The following AGBL4 variants were observed in gnomAD, a reference collection of about 807,000 sequenced individuals.
The protein encoded by AGBL4 is AGBL carboxypeptidase 4.
Under a neutral mutation model 66.4 loss-of-function variants are expected in AGBL4, and 58 were observed. The observed-to-expected ratio is 0.87, with a 90% CI of 0.71 to 1.09. The LOEUF is 1.09. Among genes scored for constraint, AGBL4 ranks in the 50% least tolerant of loss-of-function variants. The probability of loss-of-function intolerance (pLI) is 0.00; values close to 1 mark genes in which losing one functional copy is unlikely to be tolerated. For missense variants in AGBL4, 579 were observed against 631.0 expected (o/e 0.92, Z 0.88); for synonymous variants, 234 against 222.9 (o/e 1.05, Z -0.44).
At chr1:49,324,140 T>C (rs1645181624) in intron 3 of AGBL4, among the ~76,000 whole-genome samples, 1 of 152,228 alleles carries the variant, frequency 6.6e-6, no homozygotes, top group Non-Finnish European at 1.5e-5. Context: ...CAACCTATTG[T>C]CAATTTAAGA....
chr1:49,540,142 C>T (rs953433319), intron 3 of AGBL4, among the ~76,000 whole-genome samples: 9 of 152,194 alleles, frequency 5.9e-5, no homozygotes, highest in African/African-American at 2.2e-4. Flanking sequence ...AATGCCTAAG[C>T]AACTTGTATT....
At chr1:49,395,794 T>TATATACATATATATATGTATAC (rs1557900337) in intron 3 of AGBL4, among the ~76,000 whole-genome samples, 5 of 135,190 alleles carry the variant, frequency 3.7e-5, no homozygotes, top group East Asian at 4.0e-4. Context: ...TATATGTATA[T>TATATACATATATATATGTATAC]ATATACATAT....
At chr1:49,976,221 T>C (rs973827775) in intron 1 of AGBL4, among the ~76,000 whole-genome samples, 2 of 152,228 alleles carry the variant, frequency 1.3e-5, no homozygotes, top group African/African-American at 4.8e-5. Flanking sequence ...TTTTGTTCAT[T>C]CATTCTTTCC....
chr1:49,528,943 C>G (rs894408346), intron 3 of AGBL4, among the ~76,000 whole-genome samples: 2 of 151,924 alleles, frequency 1.3e-5, no homozygotes, highest in African/African-American at 4.8e-5. Flanking sequence ...AATTCTAGGT[C>G]ATAAAAAGTC....
At chr1:48,959,789 G>A (rs777751695) in intron 5 of AGBL4, among the ~76,000 whole-genome samples, 1 of 152,194 alleles carries the variant, frequency 6.6e-6, no homozygotes, top group Non-Finnish European at 1.5e-5. Flanking sequence ...GCAGCAAAGA[G>A]GCCAGTGTGG....
At chr1:49,394,572 C>G (rs1644915450) in intron 3 of AGBL4, among the ~76,000 whole-genome samples, 1 of 152,010 alleles carries the variant, frequency 6.6e-6, no homozygotes, top group South Asian at 2.1e-4. Context: ...AGATGCAGAT[C>G]CCCCCTCTTC....
At chr1:49,795,174 A>G (rs943684224) in intron 2 of AGBL4, among the ~76,000 whole-genome samples, 4 of 151,916 alleles carry the variant, frequency 2.6e-5, no homozygotes, top group African/African-American at 4.8e-5. Context: ...AAACTGGCCT[A>G]AACATAAGCA....
At chr1:49,514,400 T>G (rs560239079) in intron 3 of AGBL4, among the ~76,000 whole-genome samples, 1 of 152,068 alleles carries the variant, frequency 6.6e-6, no homozygotes, top group Admixed American at 6.6e-5. Flanking sequence ...TAGAGACAAA[T>G]GGAAGAACAT....
intron 4 of AGBL4, among the ~76,000 whole-genome samples, chr1:49,245,148 T>C (rs779358777): frequency 2.6e-4 from 39 of 151,562 alleles, no homozygotes; most frequent in African/African-American, 5.1e-4. Flanking sequence ...GTAGTTATTA[T>C]TACTAGTATT....
At chr1:48,747,776 C>T (rs1651000191) in intron 6 of AGBL4, among the ~76,000 whole-genome samples, 1 of 152,180 alleles carries the variant, frequency 6.6e-6, no homozygotes, top group Non-Finnish European at 1.5e-5. Flanking sequence ...TAATGCTGTT[C>T]TTTCTGATTA....
intron 3 of AGBL4, among the ~76,000 whole-genome samples, chr1:49,695,005 C>A (rs1475176353): frequency 6.6e-6 from 1 of 152,078 alleles, no homozygotes; most frequent in African/African-American, 2.4e-5. Flanking sequence ...AGAGCTTCTG[C>A]TAAATCTCTA....
chr1:49,442,188 G>C (rs187099622), intron 3 of AGBL4, among the ~76,000 whole-genome samples: 4 of 152,296 alleles, frequency 2.6e-5, no homozygotes, highest in African/African-American at 9.6e-5. Flanking sequence ...GAGAGAGAGA[G>C]AGAGACAGAG....
chr1:48,758,099 G>A (rs2148653716), intron 6 of AGBL4, among the ~76,000 whole-genome samples: 1 of 152,316 alleles, frequency 6.6e-6, no homozygotes, highest in Non-Finnish European at 1.5e-5. Flanking sequence ...AACCTGATTA[G>A]TTAAAATAGG....
At chr1:49,144,186 T>C (rs1646171168) in intron 4 of AGBL4, among the ~76,000 whole-genome samples, 2 of 151,960 alleles carry the variant, frequency 1.3e-5, no homozygotes, top group Non-Finnish European at 2.9e-5. Context: ...GGAAAGAATA[T>C]CAGAAAAAAA....
chr1:48,703,532 A>G (rs1646834979), intron 6 of AGBL4, among the ~76,000 whole-genome samples: 1 of 152,190 alleles, frequency 6.6e-6, no homozygotes, highest in South Asian at 2.1e-4. Context: ...AGTGACAAAT[A>G]CATAATAGGG....
intron 3 of AGBL4, among the ~76,000 whole-genome samples, chr1:49,397,801 T>C (rs931215845): frequency 3.9e-5 from 6 of 152,124 alleles, no homozygotes; most frequent in Admixed American, 3.9e-4. Context: ...CAAATTTCGT[T>C]CATCCATTTA....
chr1:48,894,181 A>G (rs1651280039), intron 5 of AGBL4, among the ~76,000 whole-genome samples: 1 of 152,224 alleles, frequency 6.6e-6, no homozygotes, highest in Non-Finnish European at 1.5e-5. Context: ...AATGATGAAG[A>G]TTTAGCTATA....
intron 3 of AGBL4, among the ~76,000 whole-genome samples, chr1:49,581,807 T>C (rs965392265): frequency 1.4e-4 from 21 of 152,308 alleles, no homozygotes; most frequent in African/African-American, 4.8e-4. Flanking sequence ...GCAGGCTGAT[T>C]CTTGGGCCTC....
chr1:49,774,881 G>A (rs1644157626), intron 2 of AGBL4, among the ~76,000 whole-genome samples: 1 of 151,922 alleles, frequency 6.6e-6, no homozygotes, highest in Non-Finnish European at 1.5e-5. Context: ...CCACTTTTAG[G>A]AACATAACTT....
Sources: gnomAD v4.1 joint callset for allele counts (sites outside exome capture counted in the v4.1 genomes callset) on GRCh38, gnomAD v4.1.1 for gene constraint, MANE v1.5 for transcripts, NCBI Gene and HGNC (gene_info 2026-07-23, HGNC 2026-07-21) for gene names.